Variants in MICU3 observed in about 807,000 individuals in gnomAD.
MICU3 encodes the protein mitochondrial calcium uptake 3, also known as calcium uptake protein 3, mitochondrial.
Under a neutral mutation model 66.5 loss-of-function variants are expected in MICU3, and 62 were observed. The ratio of observed to expected loss-of-function variants is 0.93; its 90% CI spans 0.76 to 1.15. MICU3 has a LOEUF of 1.15. MICU3 is among the 50% of genes most tolerant of loss of function. The pLI is 0.00. For synonymous variants in MICU3, 308 were observed against 240.7 expected, an observed-to-expected ratio of 1.28 and a Z score of -2.59; for missense variants, 779 against 664.4, an observed-to-expected ratio of 1.17 and a Z score of -1.90.
chr8:17,091,280 AG>A (rs1406128746), intron 8 of MICU3, among the ~76,000 whole-genome samples: 1 of 152,082 alleles, frequency 6.6e-6, no homozygotes, highest in East Asian at 1.9e-4. Flanking sequence ...TGGTTAGCCC[AG>A]CTGCTAAAGG....
intron 1 of MICU3, among the ~76,000 whole-genome samples, chr8:17,031,266 TTATTA>T (rs1812001723): frequency 7.3e-6 from 1 of 137,590 alleles, no homozygotes; most frequent in African/African-American, 2.9e-5. Context: ...ACTTCATTTA[TTATTA>T]TTATTATTAT....
At chr8:17,135,225 C>G in the MICU3 span, among the ~76,000 whole-genome samples, 1 of 151,966 alleles carries the variant, frequency 6.6e-6, no homozygotes, top group Admixed American at 6.6e-5. Context: ...ATGGTGAAAC[C>G]CCATCCCTAC....
chr8:17,096,966 TGTGTGTG>T, intron 8 of MICU3, among the ~76,000 whole-genome samples: 1 of 106,980 alleles, frequency 9.3e-6, no homozygotes, highest in Non-Finnish European at 2.0e-5. Context: ...TGTGTGTGTG[TGTGTGTG>T]TGTGTGTGTG....
At chr8:17,092,578 A>G (rs1197625274) in intron 8 of MICU3, among the ~76,000 whole-genome samples, 3 of 152,040 alleles carry the variant, frequency 2.0e-5, no homozygotes, top group Non-Finnish European at 4.4e-5. Context: ...TCATTTTTAC[A>G]TAGTCTAAAA....
downstream of MICU3, among the ~76,000 whole-genome samples, chr8:17,127,053 C>A (rs1306112645): frequency 6.6e-6 from 1 of 152,068 alleles, no homozygotes; most frequent in Non-Finnish European, 1.5e-5. Context: ...CATTAGTCTG[C>A]TAGCAGATTT....
At chr8:17,035,478 T>G (rs1044081563) in intron 1 of MICU3, among the ~76,000 whole-genome samples, 1 of 152,224 alleles carries the variant, frequency 6.6e-6, no homozygotes, top group Non-Finnish European at 1.5e-5. Context: ...AAGTCCAGGC[T>G]GAGTTGATCT....
downstream of MICU3, among the ~76,000 whole-genome samples, chr8:17,127,222 A>G (rs956332981): frequency 6.6e-6 from 1 of 152,192 alleles, no homozygotes; most frequent in Admixed American, 6.5e-5. Context: ...ATACTTTTTT[A>G]TGCCATTGCT....
At chr8:17,075,692 T>G (rs1820282724) in intron 3 of MICU3, among the ~76,000 whole-genome samples, 1 of 152,318 alleles carries the variant, frequency 6.6e-6, no homozygotes, top group South Asian at 2.1e-4. Flanking sequence ...AATAAGCTAC[T>G]TGGTGTCAGT....
chr8:17,133,347 T>C, the MICU3 span, among the ~76,000 whole-genome samples: 75 of 152,302 alleles, frequency 4.9e-4, no homozygotes, highest in Non-Finnish European at 2.6e-4. Flanking sequence ...ATTAAGATTT[T>C]TGTTATTTAT....
intron 11 of MICU3, among the ~76,000 whole-genome samples, chr8:17,106,307 CTG>C (rs1801730778): frequency 6.6e-6 from 1 of 150,576 alleles, no homozygotes; most frequent in Admixed American, 6.6e-5. Context: ...AATGGATACA[CTG>C]TGACAATGTT....
chr8:17,133,352 AT>A, the MICU3 span, among the ~76,000 whole-genome samples: 1 of 152,070 alleles, frequency 6.6e-6, no homozygotes, highest in African/African-American at 2.4e-5. Flanking sequence ...GATTTTTGTT[AT>A]TTATGGGTTA....
At chr8:17,073,700 A>G (rs2150688167) in intron 3 of MICU3, among the ~76,000 whole-genome samples, 1 of 152,274 alleles carries the variant, frequency 6.6e-6, no homozygotes, top group South Asian at 2.1e-4. Context: ...CTGCTGCTAT[A>G]TGTGTTTCCT....
chr8:17,032,739 C>G (rs1169442356), intron 1 of MICU3, among the ~76,000 whole-genome samples: 4 of 152,206 alleles, frequency 2.6e-5, no homozygotes, highest in African/African-American at 9.7e-5. Flanking sequence ...TTGTGCTTCA[C>G]AGATACTGCA....
At chr8:17,134,862 C>G in the MICU3 span, among the ~76,000 whole-genome samples, 4 of 152,200 alleles carry the variant, frequency 2.6e-5, no homozygotes, top group African/African-American at 9.7e-5. Context: ...CAAAAACACC[C>G]TCACAGACAC....
chr8:17,035,774 TG>T (rs1415405983), intron 1 of MICU3, among the ~76,000 whole-genome samples: 1 of 152,188 alleles, frequency 6.6e-6, no homozygotes, highest in African/African-American at 2.4e-5. Flanking sequence ...TCAGAAAGTT[TG>T]CAACCTGATG....
chr8:17,126,158 C>T (rs1803400784), downstream of MICU3, among the ~76,000 whole-genome samples: 1 of 146,442 alleles, frequency 6.8e-6, no homozygotes, highest in South Asian at 2.1e-4. Flanking sequence ...GTAAATTCTT[C>T]CTAAACAGTT....
chr8:17,118,781 T>A lies in MICU3; in HGVS notation c.*6T>A, dbSNP rs1465860415. On this transcript the variant is annotated splice_donor_region_variant and intron_variant, in intron 14 of 14. Transcript: ENST00000318063. ...AAGAACTTCACAGCAGATAAGTATGTTAGCTTCTATTTGTCTAAATTTGTT... is the reference window on the plus strand; with the variant it reads ...AAGAACTTCACAGCAGATAAGTATGATAGCTTCTATTTGTCTAAATTTGTT... 2 of 1,588,246 alleles carry A rather than the reference T, an allele frequency of 1.3e-6. No homozygotes were observed.
At chr8:17,066,532 T>G (rs554553200) in intron 2 of MICU3, among the ~76,000 whole-genome samples, 5,425 of 131,504 alleles carry the variant, frequency 0.041, 174 homozygotes, top group Non-Finnish European at 0.061. Flanking sequence ...TATATATATA[T>G]ATATATATAG....
chr8:17,074,141 C>T (rs1474538547), intron 3 of MICU3, among the ~76,000 whole-genome samples: 2 of 151,886 alleles, frequency 1.3e-5, no homozygotes, highest in Non-Finnish European at 2.9e-5. Flanking sequence ...CCGCCTCGGC[C>T]TCCCAAAGTG....
Sources: allele counts gnomAD v4.1 joint callset (sites outside exome capture counted in the v4.1 genomes callset), GRCh38; gene constraint gnomAD v4.1.1; transcripts MANE v1.5; gene names NCBI Gene and HGNC (gene_info 2026-07-23, HGNC 2026-07-21).